The following VWDE variants were observed in gnomAD, a reference collection of about 807,000 sequenced individuals.
VWDE encodes the protein von Willebrand factor D and EGF domains.
VWDE carries 207 observed loss-of-function variants against 178.4 expected under a neutral mutation model. That is an observed-to-expected ratio of 1.16 (90% confidence interval 1.04 to 1.30). VWDE has a LOEUF of 1.30. Ranked by LOEUF, VWDE falls within the 50% of genes most tolerant of loss-of-function variation. The probability of loss-of-function intolerance (pLI) is 0.00; values close to 1 mark genes in which losing one functional copy is unlikely to be tolerated. For missense variants in VWDE, 2,287 were observed against 1,901.3 expected (o/e 1.20, Z -3.77); for synonymous variants, 738 against 651.4 (o/e 1.13, Z -2.02).
chr7:12,377,753 A>G, intron 7 of VWDE, 23 bp downstream of exon 7: 4 of 1,369,442 alleles, frequency 2.9e-6, no homozygotes, highest in East Asian at 5.3e-5. Flanking sequence ...TAATAATAAG[A>G]TAAAATAAAG....
chr7:12,387,814 T>G (rs1050963979), intron 3 of VWDE, among the ~76,000 whole-genome samples: 1 of 151,998 alleles, frequency 6.6e-6, no homozygotes, highest in African/African-American at 2.4e-5. Context: ...TCTAAAAGAG[T>G]GTCTCCCGGA....
At chr7:12,384,581 G>C (rs1256307257) in intron 3 of VWDE, among the ~76,000 whole-genome samples, 1 of 152,012 alleles carries the variant, frequency 6.6e-6, no homozygotes, top group Non-Finnish European at 1.5e-5. Context: ...ATGGGGTTGG[G>C]GGACTATGCA....
chr7:12,331,499 A>G (rs1392815362), intron 28 of VWDE, among the ~76,000 whole-genome samples: 1 of 152,048 alleles, frequency 6.6e-6, no homozygotes, highest in Non-Finnish European at 1.5e-5. Context: ...TCAGGAAAAA[A>G]CCACTGATAC....
intron 2 of VWDE, among the ~76,000 whole-genome samples, chr7:12,393,301 G>C (rs1235251676): frequency 6.6e-6 from 1 of 152,134 alleles, no homozygotes; most frequent in Non-Finnish European, 1.5e-5. Context: ...CTATGCCTAA[G>C]AATATATGTT....
chr7:12,400,835 A>G (rs1486854901), intron 1 of VWDE, among the ~76,000 whole-genome samples: 3 of 152,138 alleles, frequency 2.0e-5, no homozygotes, highest in Admixed American at 2.0e-4. Context: ...AGAATCCAGG[A>G]ACATAAAGCA....
chr7:12,365,125 T>C (rs945478719), intron 13 of VWDE, among the ~76,000 whole-genome samples: 1 of 152,064 alleles, frequency 6.6e-6, no homozygotes, highest in African/African-American at 2.4e-5. Flanking sequence ...GATGGAGCAC[T>C]GTCACAATAC....
At chr7:12,364,274 G>A (rs184866000) in intron 13 of VWDE, among the ~76,000 whole-genome samples, 4 of 151,902 alleles carry the variant, frequency 2.6e-5, no homozygotes, top group Admixed American at 2.6e-4. Flanking sequence ...GGGCCAAGAA[G>A]GATTAACTAC....
chr7:12,376,278 T>A (rs1248028636), intron 7 of VWDE, among the ~76,000 whole-genome samples: 1 of 151,774 alleles, frequency 6.6e-6, no homozygotes, highest in Non-Finnish European at 1.5e-5. Context: ...AGCAGCATAG[T>A]CTGTTTAGAA....
chr7:12,395,631 T>C (rs535891244), intron 1 of VWDE, among the ~76,000 whole-genome samples: 1 of 152,064 alleles, frequency 6.6e-6, no homozygotes, highest in South Asian at 2.1e-4. Context: ...TCAATATTTA[T>C]CTTATAAGAT....
rs995705629 is a variant in VWDE, at chr7:12,403,731, G to T, written c.-15C>A. Reference sequence around the variant, plus strand: ...CCGCCAGGCATCGCTGCTTCCGCAGGTGGGGCGAAAGGCGTCGCAGAGCCC... The same window carrying T: ...CCGCCAGGCATCGCTGCTTCCGCAGTTGGGGCGAAAGGCGTCGCAGAGCCC... On this transcript the variant is annotated 5_prime_UTR_variant, in exon 1 of 29. Transcript: ENST00000275358. 1.0e-5 allele frequency: 16 copies of T among 1,550,478 alleles called. No individual in the cohort carries two copies. Among genetic ancestry groups the T allele is most frequent in the Non-Finnish European group, 1.4e-5 (16 of 1,146,514 alleles).
At chr7:12,340,894 C>G (rs1449865432) in intron 23 of VWDE, among the ~76,000 whole-genome samples, 1 of 152,212 alleles carries the variant, frequency 6.6e-6, no homozygotes, top group African/African-American at 2.4e-5. Flanking sequence ...ACACTGCACT[C>G]AAGTCCTAGC....
intron 16 of VWDE, among the ~76,000 whole-genome samples, chr7:12,358,373 C>CAA (rs112383586): frequency 0.41 from 59,252 of 145,938 alleles, 12,155 homozygotes; most frequent in Admixed American, 0.47. Flanking sequence ...GATTCTGTCT[C>CAA]AAAAAATAAA....
intron 1 of VWDE, among the ~76,000 whole-genome samples, chr7:12,401,217 G>C (rs1221717140): frequency 1.3e-5 from 2 of 151,976 alleles, no homozygotes; most frequent in Middle Eastern, 3.2e-3. Flanking sequence ...ATTCTACCCA[G>C]GGGGATTAAC....
At chr7:12,399,601 A>T (rs1258165920) in intron 1 of VWDE, among the ~76,000 whole-genome samples, 1 of 152,188 alleles carries the variant, frequency 6.6e-6, no homozygotes, top group Non-Finnish European at 1.5e-5. Context: ...TATTCCTAAA[A>T]ATATCAGAAT....
At chr7:12,333,652 T>C in intron 27 of VWDE, 84 bp from the exon 28 acceptor site, 1 of 872,044 alleles carries the variant, frequency 1.1e-6, no homozygotes, top group African/African-American at 1.7e-5. Flanking sequence ...TGGGGCTATC[T>C]GGTGATTGGA....
intron 2 of VWDE, 107 bp from the exon 3 acceptor site, chr7:12,389,465 C>A: frequency 1.2e-6 from 1 of 814,180 alleles, no homozygotes; most frequent in South Asian, 1.9e-5. Context: ...TATCATTAAT[C>A]ATTAAAAAAA....
chr7:12,403,659 C>T lies in VWDE; in HGVS notation c.58G>A (p.Ala20Thr). ...CCCCCGCGCGCCCTACCTCGCTTAC[C>T]TTCCCCCCAGGCCAGGAACATCAGC... is the stretch of plus-strand genomic sequence containing the variant. ...IALMFLAWGE[A>T]QECSPGGHQF... Residue 20 changes from alanine to threonine, a missense_variant and splice_region_variant, in exon 1 of 29, where the codon GCT becomes ACT. By Grantham distance (58) the Ala-to-Thr change is moderately conservative (BLOSUM62 0). Coordinates refer to ENST00000275358, the MANE Select transcript of VWDE (RefSeq NM_001135924.3). The T allele has an allele frequency of 1.3e-6, 2 of 1,543,968 alleles. No individual in the cohort carries two copies. The highest frequency in any genetic ancestry group is 2.4e-5 in the South Asian group (2 of 83,926).
chr7:12,380,708 A>C lies in VWDE; in HGVS notation c.567T>G (p.Pro189=). 1.3e-6 allele frequency: 2 copies of C among 1,551,864 alleles called. No individual in the cohort carries two copies. Reference sequence around the variant, plus strand: ...GAACCTCTGGCCTTCCTGCAGGTGGAGGTGGCAATGAGGCAGCCAGCTGAC... The same window carrying C: ...GAACCTCTGGCCTTCCTGCAGGTGGCGGTGGCAATGAGGCAGCCAGCTGAC... ...CVRQLAASLP[P]PPAGRPEVLV... is the part of the protein sequence containing the mutation. Residue 189 remains proline (P), a synonymous_variant, in exon 5 of 29, where the codon CCT becomes CCG. Coordinates refer to ENST00000275358, the MANE Select transcript of VWDE (RefSeq NM_001135924.3).
intron 13 of VWDE, among the ~76,000 whole-genome samples, chr7:12,366,194 T>G (rs1782850110): frequency 6.6e-6 from 1 of 152,076 alleles, no homozygotes; most frequent in Non-Finnish European, 1.5e-5. Context: ...AATTACCTAG[T>G]CTCAGGTAGT....
Sources: allele counts gnomAD v4.1 joint callset (sites outside exome capture counted in the v4.1 genomes callset), GRCh38; gene constraint gnomAD v4.1.1; transcripts MANE v1.5; gene names NCBI Gene and HGNC (gene_info 2026-07-23, HGNC 2026-07-21).